Variants in SGCZ observed in about 807,000 individuals in gnomAD.
The protein encoded by SGCZ is sarcoglycan zeta.
In SGCZ, 40 loss-of-function variants were observed where a neutral mutation model predicts 41.3. The ratio of observed to expected loss-of-function variants is 0.97; its 90% CI spans 0.75 to 1.26. The LOEUF is 1.26. SGCZ is among the 50% of genes most tolerant of loss of function. SGCZ has a pLI of 0.00. For missense variants in SGCZ, 552 were observed against 369.8 expected (o/e 1.49, Z -4.04); for synonymous variants, 206 against 137.5 (o/e 1.50, Z -3.49).
chr8:14,357,134 C>T lies in SGCZ; in HGVS notation c.235-32930G>A, dbSNP rs1335548061. On this transcript the variant is annotated intron_variant, in intron 2 of 7. Coordinates refer to ENST00000382080, the MANE Select transcript of SGCZ (RefSeq NM_139167.4). ...TAAAATACTAAGGACCTACACACACCTTGATATGTTGATATTTTTCAAAAG... is the reference window on the plus strand; with the variant it reads ...TAAAATACTAAGGACCTACACACACTTTGATATGTTGATATTTTTCAAAAG... 2.6e-5 allele frequency among the ~76,000 whole-genome samples: 4 copies of T among 151,998 alleles called. No individual in the cohort carries two copies. In the East Asian group the frequency reaches 7.7e-4, roughly 29 times the overall value.
chr8:14,515,886 A>T (rs1055660560), intron 2 of SGCZ, among the ~76,000 whole-genome samples: 3 of 152,120 alleles, frequency 2.0e-5, no homozygotes, highest in Non-Finnish European at 4.4e-5. Context: ...GATTTTGAGT[A>T]TATTTCAATA....
intron 1 of SGCZ, among the ~76,000 whole-genome samples, chr8:14,655,278 C>CTAAA (rs1807531163): frequency 6.6e-6 from 1 of 151,944 alleles, no homozygotes; most frequent in African/African-American, 2.4e-5. Context: ...GCTCTAAAGA[C>CTAAA]TTTACTATGT....
At chr8:14,919,720 C>G (rs1417642224) in intron 1 of SGCZ, among the ~76,000 whole-genome samples, 2 of 152,028 alleles carry the variant, frequency 1.3e-5, no homozygotes, top group Admixed American at 1.3e-4. Flanking sequence ...GAGTTTGAGA[C>G]CAAACTGGCC....
chr8:14,197,240 C>G (rs537695655), intron 4 of SGCZ, among the ~76,000 whole-genome samples: 1 of 152,134 alleles, frequency 6.6e-6, no homozygotes, highest in Non-Finnish European at 1.5e-5. Context: ...AATACTAATT[C>G]TCAACTAAAT....
intron 1 of SGCZ, among the ~76,000 whole-genome samples, chr8:15,092,747 T>C (rs1387633853): frequency 1.3e-5 from 2 of 152,220 alleles, no homozygotes; most frequent in African/African-American, 4.8e-5. Context: ...AATATCTCTC[T>C]ATTACACATT....
At chr8:15,202,901 G>A (rs531669051) in intron 1 of SGCZ, among the ~76,000 whole-genome samples, 14 of 151,994 alleles carry the variant, frequency 9.2e-5, no homozygotes, top group Middle Eastern at 3.4e-3. Flanking sequence ...ACCTGAGGTC[G>A]GGAGTTCAAG....
At chr8:14,950,118 C>T (rs1442036212) in intron 1 of SGCZ, among the ~76,000 whole-genome samples, 1 of 152,020 alleles carries the variant, frequency 6.6e-6, no homozygotes, top group Non-Finnish European at 1.5e-5. Context: ...AAACTATACT[C>T]TCTCCAGGGG....
At chr8:14,654,222 A>G (rs1228866240) in intron 1 of SGCZ, among the ~76,000 whole-genome samples, 3 of 149,246 alleles carry the variant, frequency 2.0e-5, no homozygotes, top group Non-Finnish European at 4.5e-5. Flanking sequence ...ATGACAAATT[A>G]TACAGAGAAA....
At chr8:15,234,780 T>C (rs1298070212) in intron 1 of SGCZ, among the ~76,000 whole-genome samples, 2 of 152,188 alleles carry the variant, frequency 1.3e-5, no homozygotes, top group African/African-American at 4.8e-5. Flanking sequence ...AAATTGTTGT[T>C]AAAATCTCAA....
chr8:14,114,210 A>C (rs1383929141), intron 5 of SGCZ, among the ~76,000 whole-genome samples: 1 of 152,052 alleles, frequency 6.6e-6, no homozygotes, highest in East Asian at 1.9e-4. Context: ...TGAATAAAAT[A>C]ATTAACAAAA....
intron 1 of SGCZ, among the ~76,000 whole-genome samples, chr8:15,068,706 G>C (rs1458209346): frequency 6.6e-6 from 1 of 152,108 alleles, no homozygotes; most frequent in Admixed American, 6.5e-5. Flanking sequence ...TTTTAAAGAA[G>C]AAAGTATCTA....
At position 14,512,079 on chromosome 8, in the gene SGCZ, T is replaced by A. The variant is rs146128305; in HGVS notation, c.234+42653A>T. Among the ~76,000 whole-genome samples, 6 of 152,250 alleles carry A rather than the reference T, an allele frequency of 3.9e-5. No homozygotes were observed. In the East Asian group the frequency reaches 1.2e-3, roughly 29 times the overall value. On this transcript the variant is annotated intron_variant, in intron 2 of 7. Transcript: ENST00000382080. Reference sequence around the variant, plus strand: ...AAATATCCATCACCACAGTAATAACTGACACCATGAAAACTAAAACTTAGC... The same window carrying A: ...AAATATCCATCACCACAGTAATAACAGACACCATGAAAACTAAAACTTAGC...
At chr8:15,128,562 A>G (rs1807787707) in intron 1 of SGCZ, among the ~76,000 whole-genome samples, 1 of 152,196 alleles carries the variant, frequency 6.6e-6, no homozygotes, top group East Asian at 1.9e-4. Context: ...ACCAACTGCT[A>G]TTCTGCACTC....
At chr8:15,221,504 T>C (rs574129187) in intron 1 of SGCZ, among the ~76,000 whole-genome samples, 1 of 152,308 alleles carries the variant, frequency 6.6e-6, no homozygotes, top group Admixed American at 6.5e-5. Flanking sequence ...CTGAAAATTC[T>C]AGCAACACTA....
intron 1 of SGCZ, among the ~76,000 whole-genome samples, chr8:15,084,613 G>A (rs1219642224): frequency 3.3e-5 from 5 of 152,062 alleles, no homozygotes; most frequent in Admixed American, 6.6e-5. Context: ...TTAGCTGGGC[G>A]TGGTAATGCA....
At chr8:14,163,132 G>A (rs1804097353) in intron 5 of SGCZ, among the ~76,000 whole-genome samples, 1 of 152,036 alleles carries the variant, frequency 6.6e-6, no homozygotes, top group Non-Finnish European at 1.5e-5. Context: ...CAAAGTGCTG[G>A]GATTATAGGC....
intron 1 of SGCZ, among the ~76,000 whole-genome samples, chr8:14,920,120 G>C (rs1266536926): frequency 6.6e-6 from 1 of 152,152 alleles, no homozygotes; most frequent in Non-Finnish European, 1.5e-5. Flanking sequence ...GGTAAATTTT[G>C]TATCATTTAC....
intron 2 of SGCZ, among the ~76,000 whole-genome samples, chr8:14,381,946 T>C (rs1804382068): frequency 6.6e-6 from 1 of 152,230 alleles, no homozygotes; most frequent in Non-Finnish European, 1.5e-5. Context: ...ACCAGCCTTC[T>C]CAGCTTATGA....
In SGCZ at chr8:14,102,087, TATATATATATATATATAA is replaced by T. The variant is rs1223515919; in HGVS notation, c.744+271_744+288del. Reference sequence around the variant, plus strand: ...ATGCTTGGCTAACTTTATATATATATATATATATATATATATAATTTTTTTTTTTTTTAGTAGAGATGG... The same window carrying T: ...ATGCTTGGCTAACTTTATATATATATTTTTTTTTTTTTTTAGTAGAGATGG... On this transcript the variant is annotated intron_variant, in intron 7 of 7. Coordinates refer to ENST00000382080, the MANE Select transcript of SGCZ (RefSeq NM_139167.4). Among the ~76,000 whole-genome samples the T allele has an allele frequency of 2.0e-3, 201 of 99,714 alleles. 1 individual carries two copies. Among genetic ancestry groups the T allele is most frequent in the Middle Eastern group, 5.0e-3 (1 of 200 alleles). 65.4% of individuals were successfully genotyped at this position (99,714 alleles called of 152,430 possible). A position where few individuals can be genotyped will look rare whatever the true frequency, so the allele number is the denominator to read the frequency against.
Sources: allele counts gnomAD v4.1 joint callset (sites outside exome capture counted in the v4.1 genomes callset), GRCh38; gene constraint gnomAD v4.1.1; transcripts MANE v1.5; gene names NCBI Gene and HGNC (gene_info 2026-07-23, HGNC 2026-07-21).